The following CTNNBL1 variants were observed in gnomAD, a reference collection of about 807,000 sequenced individuals.
CTNNBL1 encodes the protein beta-catenin-like protein 1.
CTNNBL1 carries 31 observed loss-of-function variants against 72.7 expected under a neutral mutation model. The observed-to-expected ratio is 0.43, with a 90% CI of 0.32 to 0.58. The LOEUF (loss-of-function observed/expected upper bound fraction) is 0.58, where lower values mean the gene tolerates loss of function less well. Among genes scored for constraint, CTNNBL1 ranks in the 20% least tolerant of loss-of-function variants. The probability of loss-of-function intolerance (pLI) is 0.08; values close to 1 mark genes in which losing one functional copy is unlikely to be tolerated. For missense variants in CTNNBL1, 534 were observed against 725.1 expected (o/e 0.74, Z 3.03); for synonymous variants, 240 against 267.3 (o/e 0.90, Z 1.00).
chr20:37,723,860 A>C (rs1317349496), intron 1 of CTNNBL1, among the ~76,000 whole-genome samples: 5 of 152,192 alleles, frequency 3.3e-5, no homozygotes, highest in African/African-American at 1.2e-4. Flanking sequence ...GCCTTAAGCA[A>C]ATTTGCAAGG....
At chr20:37,797,430 A>G (rs898486314) in intron 10 of CTNNBL1, among the ~76,000 whole-genome samples, 2 of 151,696 alleles carry the variant, frequency 1.3e-5, no homozygotes, top group African/African-American at 2.4e-5. Context: ...TTGTCCTTCA[A>G]ATAAGTTTCC....
In CTNNBL1 at chr20:37,779,289, C is replaced by T. The variant is rs778461544; in HGVS notation, c.985C>T (p.Arg329Cys). Residue 329 changes from arginine (R) to cysteine (C), a missense_variant, in exon 10 of 16, where the codon CGC becomes TGC. Transcript: ENST00000361383. ...TCTAATGCTTAGTTCCAATCGTGAG[C>T]GCTTCCTGAAGGGCGAGGGTCTTCA... ...SCLMLSSNRE[R>C]FLKGEGLQLM... The T allele has an allele frequency of 7.4e-6, 12 of 1,613,604 alleles. No individual in the cohort carries two copies. Among genetic ancestry groups the T allele is most frequent in the African/African-American group, 2.7e-5 (2 of 74,858 alleles).
At chr20:37,786,811 T>G (rs2073679299) in intron 10 of CTNNBL1, among the ~76,000 whole-genome samples, 1 of 152,182 alleles carries the variant, frequency 6.6e-6, no homozygotes, top group African/African-American at 2.4e-5. Context: ...TTGCTTAGTT[T>G]TATTCTCTAT....
At chr20:37,815,146 T>C (rs1379624569) in intron 11 of CTNNBL1, among the ~76,000 whole-genome samples, 3 of 151,582 alleles carry the variant, frequency 2.0e-5, no homozygotes, top group African/African-American at 7.3e-5. Context: ...ATACTGTTTT[T>C]ACTCACTGCA....
intron 1 of CTNNBL1, among the ~76,000 whole-genome samples, chr20:37,731,860 A>C (rs74353371): frequency 1.3e-5 from 2 of 152,310 alleles, no homozygotes; most frequent in East Asian, 3.9e-4. Context: ...GCTATTGTGA[A>C]TAATGCTACA....
chr20:37,833,425 C>A (rs139966753), intron 11 of CTNNBL1, among the ~76,000 whole-genome samples: 28 of 152,242 alleles, frequency 1.8e-4, no homozygotes, highest in Non-Finnish European at 3.7e-4. Flanking sequence ...AGCAGGGAGC[C>A]CAGCAGGCAG....
At chr20:37,766,524 C>A (rs551359662) in intron 6 of CTNNBL1, among the ~76,000 whole-genome samples, 1 of 152,158 alleles carries the variant, frequency 6.6e-6, no homozygotes, top group African/African-American at 2.4e-5. Flanking sequence ...CAGACGGTAT[C>A]GTAGGAGTCA....
At chr20:37,728,798 C>T (rs1428912282) in intron 1 of CTNNBL1, among the ~76,000 whole-genome samples, 1 of 152,124 alleles carries the variant, frequency 6.6e-6, no homozygotes, top group African/African-American at 2.4e-5. Context: ...TTCGGCTCTG[C>T]CATAGAGTCA....
chr20:37,703,854 T>G (rs2072863688), intron 1 of CTNNBL1, among the ~76,000 whole-genome samples: 1 of 151,908 alleles, frequency 6.6e-6, no homozygotes, highest in African/African-American at 2.4e-5. Flanking sequence ...CTCGGCTCAC[T>G]GCAACCTCTG....
At chr20:37,781,797 G>A (rs1396630105) in intron 10 of CTNNBL1, among the ~76,000 whole-genome samples, 1 of 152,098 alleles carries the variant, frequency 6.6e-6, no homozygotes, top group Non-Finnish European at 1.5e-5. Context: ...AAGTTTCTGT[G>A]GTTCCATTGC....
At chr20:37,763,588 C>G (rs1387939607) in intron 5 of CTNNBL1, among the ~76,000 whole-genome samples, 1 of 152,198 alleles carries the variant, frequency 6.6e-6, no homozygotes, top group Non-Finnish European at 1.5e-5. Flanking sequence ...ATCTATGCCA[C>G]CTACCATTGC....
At chr20:37,697,195 A>G (rs917987048) in intron 1 of CTNNBL1, among the ~76,000 whole-genome samples, 8 of 152,160 alleles carry the variant, frequency 5.3e-5, no homozygotes, top group African/African-American at 1.9e-4. Context: ...AAGAAAAAAA[A>G]AAAGAAAGAA....
chr20:37,791,724 T>C (rs531451874), intron 10 of CTNNBL1, among the ~76,000 whole-genome samples: 5 of 152,174 alleles, frequency 3.3e-5, no homozygotes, highest in Non-Finnish European at 5.9e-5. Context: ...CTCATAGGAG[T>C]GCAGATCCCA....
intron 15 of CTNNBL1, among the ~76,000 whole-genome samples, chr20:37,868,293 CTT>C (rs34129953): frequency 7.9e-4 from 117 of 148,414 alleles, no homozygotes; most frequent in Admixed American, 8.0e-4. Flanking sequence ...TTTTAGGGGC[CTT>C]TTTTTTTTTT....
chr20:37,772,390 A>G (rs956267038), intron 7 of CTNNBL1, among the ~76,000 whole-genome samples: 15 of 152,104 alleles, frequency 9.9e-5, no homozygotes, highest in Non-Finnish European at 1.6e-4. Context: ...TCACTCTGTC[A>G]CCCAGGCTGG....
intron 2 of CTNNBL1, among the ~76,000 whole-genome samples, chr20:37,737,117 G>A (rs183819970): frequency 2.0e-5 from 3 of 152,164 alleles, no homozygotes; most frequent in East Asian, 2.0e-4. Flanking sequence ...CCAGCTACTC[G>A]GTAAGCTGAG....
intron 11 of CTNNBL1, among the ~76,000 whole-genome samples, chr20:37,811,675 T>G (rs1208916899): frequency 2.6e-5 from 4 of 152,196 alleles, no homozygotes; most frequent in South Asian, 4.1e-4. Context: ...AGCTCCCAAG[T>G]AGATCACAGC....
chr20:37,724,510 C>G (rs1352427986), intron 1 of CTNNBL1, among the ~76,000 whole-genome samples: 1 of 152,030 alleles, frequency 6.6e-6, no homozygotes, highest in Non-Finnish European at 1.5e-5. Flanking sequence ...CTGAGTGATT[C>G]AAAGGTGGAG....
chr20:37,739,616 A>G (rs1568758479), intron 3 of CTNNBL1, among the ~76,000 whole-genome samples: 1 of 152,042 alleles, frequency 6.6e-6, no homozygotes, highest in Non-Finnish European at 1.5e-5. Context: ...GTATTTTTAA[A>G]TTCTCCCCCC....
Sources: gnomAD v4.1 joint callset for allele counts (sites outside exome capture counted in the v4.1 genomes callset) on GRCh38, gnomAD v4.1.1 for gene constraint, MANE v1.5 for transcripts, NCBI Gene and HGNC (gene_info 2026-07-23, HGNC 2026-07-21) for gene names.